The following CHSY3 variants were observed in gnomAD, a reference collection of about 807,000 sequenced individuals.
The protein encoded by CHSY3 is N-acetylgalactosaminyl-proteoglycan 3-beta-glucuronosyltransferase 3.
Under a neutral mutation model 67.2 loss-of-function variants are expected in CHSY3, and 35 were observed. The ratio of observed to expected loss-of-function variants is 0.52; its 90% CI spans 0.40 to 0.69. The LOEUF (loss-of-function observed/expected upper bound fraction) is 0.69. CHSY3 is among the 30% of genes least tolerant of loss of function. The pLI, the probability that CHSY3 is intolerant of heterozygous loss-of-function variation, is 0.00. For synonymous variants in CHSY3, 474 were observed against 434.7 expected, an observed-to-expected ratio of 1.09 and a Z score of -1.12; for missense variants, 1,069 against 1,138.5, an observed-to-expected ratio of 0.94 and a Z score of 0.88.
intron 2 of CHSY3, among the ~76,000 whole-genome samples, chr5:130,155,663 T>G (rs1375097274): frequency 5.9e-5 from 9 of 152,184 alleles, no homozygotes; most frequent in Non-Finnish European, 1.0e-4. Context: ...AAATAAAATG[T>G]TTCCAGATGG....
chr5:130,015,078 G>T (rs1764177839), intron 2 of CHSY3, among the ~76,000 whole-genome samples: 2 of 152,148 alleles, frequency 1.3e-5, no homozygotes, highest in Non-Finnish European at 2.9e-5. Flanking sequence ...GGAGGTGATT[G>T]GATCATGGCG....
intron 2 of CHSY3, among the ~76,000 whole-genome samples, chr5:130,101,879 A>G (rs1767256485): frequency 6.6e-6 from 1 of 152,134 alleles, no homozygotes; most frequent in Non-Finnish European, 1.5e-5. Context: ...TTCAGTTTTA[A>G]TCAGTCTTGT....
At chr5:129,992,290 G>T (rs1007071460) in intron 2 of CHSY3, among the ~76,000 whole-genome samples, 8 of 152,138 alleles carry the variant, frequency 5.3e-5, no homozygotes, top group Non-Finnish European at 1.0e-4. Flanking sequence ...CATTACTTTG[G>T]CATTCCAACT....
intron 2 of CHSY3, among the ~76,000 whole-genome samples, chr5:130,125,345 A>C (rs1768235117): frequency 6.6e-6 from 1 of 152,082 alleles, no homozygotes; most frequent in Non-Finnish European, 1.5e-5. Flanking sequence ...TGAGTTCAAG[A>C]AATTGAGGCT....
intron 2 of CHSY3, among the ~76,000 whole-genome samples, chr5:129,957,188 G>A (rs767931293): frequency 5.9e-5 from 9 of 151,940 alleles, no homozygotes; most frequent in Non-Finnish European, 1.0e-4. Flanking sequence ...CACCTCCGTC[G>A]TTATCTATGT....
chr5:129,948,746 T>G (rs1281840327), intron 2 of CHSY3, among the ~76,000 whole-genome samples: 1 of 152,136 alleles, frequency 6.6e-6, no homozygotes, highest in Admixed American at 6.5e-5. Flanking sequence ...CTTTTAGTTC[T>G]TTAAGGAATC....
Position 129,941,673 on chromosome 5 carries a change from G to A in CHSY3, c.1086+33313G>A, listed in dbSNP as rs180696907. 8.5e-5 allele frequency among the ~76,000 whole-genome samples: 13 copies of A among 152,184 alleles called. No homozygotes were observed. In the East Asian group the frequency reaches 1.4e-3, roughly 16 times the overall value. On this transcript the variant is annotated intron_variant, in intron 2 of 2. Coordinates refer to ENST00000305031, the MANE Select transcript of CHSY3 (RefSeq NM_175856.5). ...GTTTTTCCTCTAATCTCATACTACCGCAACAGTCAACACAGAATACTATGA... is the reference window on the plus strand; with the variant it reads ...GTTTTTCCTCTAATCTCATACTACCACAACAGTCAACACAGAATACTATGA...
At chr5:129,994,620 C>A (rs1456771055) in intron 2 of CHSY3, among the ~76,000 whole-genome samples, 1 of 151,984 alleles carries the variant, frequency 6.6e-6, no homozygotes, top group Non-Finnish European at 1.5e-5. Context: ...TGGCACTATT[C>A]GCAATAGCAA....
At chr5:129,993,938 C>G (rs1057476731) in intron 2 of CHSY3, among the ~76,000 whole-genome samples, 15 of 152,126 alleles carry the variant, frequency 9.9e-5, no homozygotes, top group Non-Finnish European at 2.1e-4. Context: ...ATTTGCTTGT[C>G]TGTAAAGGAT....
intron 2 of CHSY3, among the ~76,000 whole-genome samples, chr5:130,171,579 T>C (rs1160034046): frequency 6.6e-6 from 1 of 152,180 alleles, no homozygotes; most frequent in African/African-American, 2.4e-5. Context: ...TCTGAAAGTG[T>C]TTTTAAGTTG....
At chr5:130,066,057 C>G (rs1765875260) in intron 2 of CHSY3, among the ~76,000 whole-genome samples, 1 of 152,080 alleles carries the variant, frequency 6.6e-6, no homozygotes, top group Admixed American at 6.6e-5. Context: ...ACTACATCAA[C>G]ACAAAAAGCC....
intron 2 of CHSY3, among the ~76,000 whole-genome samples, chr5:130,095,750 T>C (rs959485426): frequency 6.6e-6 from 1 of 152,220 alleles, no homozygotes; most frequent in Non-Finnish European, 1.5e-5. Context: ...ATTTGCATAG[T>C]CTCAAAGTAT....
chr5:130,134,360 G>A (rs1271949419), intron 2 of CHSY3, among the ~76,000 whole-genome samples: 1 of 152,160 alleles, frequency 6.6e-6, no homozygotes, highest in Non-Finnish European at 1.5e-5. Context: ...TATTATAAAA[G>A]TAAGATATTT....
chr5:130,018,941 G>T (rs1468834849), intron 2 of CHSY3, among the ~76,000 whole-genome samples: 1 of 152,058 alleles, frequency 6.6e-6, no homozygotes, highest in African/African-American at 2.4e-5. Context: ...ATCCCTCTGT[G>T]CATGTGTGCC....
At chr5:130,107,739 C>T (rs957698579) in intron 2 of CHSY3, among the ~76,000 whole-genome samples, 5 of 151,526 alleles carry the variant, frequency 3.3e-5, no homozygotes, top group African/African-American at 1.2e-4. Flanking sequence ...GGTATTTGAT[C>T]AATCAAGTCA....
intron 2 of CHSY3, among the ~76,000 whole-genome samples, chr5:129,944,191 C>T (rs1417926003): frequency 6.6e-6 from 1 of 152,188 alleles, no homozygotes; most frequent in Non-Finnish European, 1.5e-5. Context: ...CTCCTTACTT[C>T]AACAGAGATA....
intron 2 of CHSY3, among the ~76,000 whole-genome samples, chr5:130,063,141 T>G (rs1765766437): frequency 6.6e-6 from 1 of 152,172 alleles, no homozygotes; most frequent in African/African-American, 2.4e-5. Context: ...GAAGATAAAC[T>G]TTACAGTTTT....
At chr5:130,150,721 G>A (rs1368683314) in intron 2 of CHSY3, among the ~76,000 whole-genome samples, 7 of 152,122 alleles carry the variant, frequency 4.6e-5, no homozygotes, top group Non-Finnish European at 8.8e-5. Flanking sequence ...CATTAGCACC[G>A]ATGTCCTTAC....
intron 2 of CHSY3, among the ~76,000 whole-genome samples, chr5:130,125,241 T>G (rs1230921545): frequency 6.6e-6 from 1 of 152,018 alleles, no homozygotes; most frequent in Non-Finnish European, 1.5e-5. Flanking sequence ...ACAGATTGAG[T>G]CCTCATCTCT....
Sources: gnomAD v4.1 joint callset for allele counts (sites outside exome capture counted in the v4.1 genomes callset) on GRCh38, gnomAD v4.1.1 for gene constraint, MANE v1.5 for transcripts, NCBI Gene and HGNC (gene_info 2026-07-23, HGNC 2026-07-21) for gene names.